Variants in MED12L observed in about 807,000 individuals in gnomAD.
The protein encoded by MED12L is mediator of RNA polymerase II transcription subunit 12-like protein.
A neutral mutation model predicts 281.3 loss-of-function variants in MED12L; 60 were observed. That is an observed-to-expected ratio of 0.21 (90% CI 0.17 to 0.26). The LOEUF (loss-of-function observed/expected upper bound fraction) is 0.26, where lower values mean the gene tolerates loss of function less well. Among genes scored for constraint, MED12L ranks in the 10% least tolerant of loss-of-function variants. The probability of loss-of-function intolerance (pLI) is 1.00; values close to 1 mark genes in which losing one functional copy is unlikely to be tolerated. For synonymous variants in MED12L, 974 were observed against 987.2 expected (o/e 0.99, Z 0.25); for missense variants, 2,146 against 2,680.9 (o/e 0.80, Z 4.41).
intron 39 of MED12L, among the ~76,000 whole-genome samples, chr3:151,407,777 C>G (rs191065922): frequency 9.9e-5 from 15 of 152,254 alleles, no homozygotes; most frequent in African/African-American, 3.1e-4. Flanking sequence ...TAAATACCCT[C>G]AGAGGTACAC....
chr3:151,185,557 T>C (rs1723158438), intron 12 of MED12L, 96 bp downstream of exon 12: 3 of 1,350,160 alleles, frequency 2.2e-6, no homozygotes, highest in Non-Finnish European at 3.0e-6. Flanking sequence ...TGTTATTCTT[T>C]TGCTCTTGAG....
intron 16 of MED12L, chr3:151,198,896 C>T: frequency 6.2e-7 from 1 of 1,614,056 alleles, no homozygotes; most frequent in East Asian, 2.2e-5. Context: ...CTCCATACAA[C>T]CCACATTTGA....
intron 31 of MED12L, 91 bp downstream of exon 31, chr3:151,378,264 C>A: frequency 7.9e-7 from 1 of 1,266,934 alleles, no homozygotes; most frequent in Non-Finnish European, 1.0e-6. Flanking sequence ...ACTGTACCCA[C>A]AGTCCACTGA....
chr3:151,394,560 T>A, intron 38 of MED12L, 96 bp from the exon 39 acceptor site: 1 of 1,554,256 alleles, frequency 6.4e-7, no homozygotes, highest in Admixed American at 2.0e-5. Flanking sequence ...GTTCATAAAG[T>A]GAGACTTAGA....
intron 44 of MED12L, among the ~76,000 whole-genome samples, chr3:151,430,587 T>C (rs1324125430): frequency 6.6e-6 from 1 of 150,918 alleles, no homozygotes; most frequent in African/African-American, 2.4e-5. Flanking sequence ...CCAATTTTTC[T>C]CAAATTCAGT....
chr3:151,176,486 T>G (rs1722065270), intron 11 of MED12L, among the ~76,000 whole-genome samples: 1 of 152,218 alleles, frequency 6.6e-6, no homozygotes, highest in African/African-American at 2.4e-5. Flanking sequence ...TAAATGAAAT[T>G]GCTCTATGCA....
chr3:151,364,959 T>C lies in MED12L; in HGVS notation c.2958-20T>C. Reference sequence around the variant, plus strand: ...TCTAGTTTTATTTTTCTGTTTTAACTTTTTTTCTTATAACCTCAGTAGTGC... The same window carrying C: ...TCTAGTTTTATTTTTCTGTTTTAACCTTTTTTCTTATAACCTCAGTAGTGC... On this transcript the variant is annotated intron_variant, in intron 21 of 44. Coordinates refer to ENST00000687756, the MANE Select transcript of MED12L (RefSeq NM_001393769.1). 2 of 1,563,946 alleles carry C rather than the reference T, an allele frequency of 1.3e-6. No individual in the cohort carries two copies. The highest frequency in any genetic ancestry group is 1.8e-6 in the Non-Finnish European group (2 of 1,135,850).
intron 16 of MED12L, among the ~76,000 whole-genome samples, chr3:151,195,341 C>T (rs1234108230): frequency 6.6e-6 from 1 of 151,840 alleles, no homozygotes; most frequent in Admixed American, 6.6e-5. Context: ...TTTCTTATTA[C>T]AGTTAAAAGT....
intron 16 of MED12L, among the ~76,000 whole-genome samples, chr3:151,194,090 C>T (rs568248142): frequency 2.0e-5 from 3 of 151,572 alleles, no homozygotes; most frequent in African/African-American, 7.3e-5. Flanking sequence ...CTCAGCCTCC[C>T]GAGTAGCTGG....
chr3:151,391,995 GAGATGTAGAAGTTTGTTTGT>G (rs557906029), intron 38 of MED12L, among the ~76,000 whole-genome samples: 1,745 of 152,186 alleles, frequency 0.011, 18 homozygotes, highest in South Asian at 0.023. Flanking sequence ...TTAAACTTTG[GAGATGTAGAAGTTTGTTTGT>G]AGATGTAGAA....
At chr3:151,325,872 A>G (rs764988632) in intron 16 of MED12L, among the ~76,000 whole-genome samples, 1 of 152,204 alleles carries the variant, frequency 6.6e-6, no homozygotes, top group Non-Finnish European at 1.5e-5. Flanking sequence ...AGTTATTTAC[A>G]TGATTATAGT....
intron 5 of MED12L, among the ~76,000 whole-genome samples, chr3:151,153,595 C>G (rs9813224): frequency 0.29 from 35,419 of 120,864 alleles, 6,027 homozygotes; most frequent in African/African-American, 0.5. Context: ...TTGAGACAGA[C>G]TCTTGCTCTG....
intron 16 of MED12L, chr3:151,338,388 A>G: frequency 1.2e-6 from 2 of 1,614,166 alleles, no homozygotes. Context: ...AGAGAGTAAG[A>G]ACATGAATGC....
chr3:151,141,061 G>A (rs1004311473), intron 5 of MED12L, among the ~76,000 whole-genome samples: 1 of 151,928 alleles, frequency 6.6e-6, no homozygotes, highest in Non-Finnish European at 1.5e-5. Flanking sequence ...TAGAGATGGG[G>A]TTTCACCATG....
chr3:151,346,636 C>T (rs1752579361), intron 16 of MED12L, among the ~76,000 whole-genome samples: 1 of 152,094 alleles, frequency 6.6e-6, no homozygotes, highest in Admixed American at 6.5e-5. Context: ...TTGTGTGACC[C>T]TGAATTATAG....
intron 16 of MED12L, among the ~76,000 whole-genome samples, chr3:151,346,229 A>G (rs1444372027): frequency 1.3e-5 from 2 of 152,088 alleles, no homozygotes; most frequent in African/African-American, 4.8e-5. Context: ...TTCTTTCCAT[A>G]TTAATCCAGC....
At chr3:151,198,862 A>G (rs376263817) in intron 16 of MED12L, 38 of 1,614,006 alleles carry the variant, frequency 2.4e-5, no homozygotes, top group Middle Eastern at 1.6e-4. Flanking sequence ...GCAAATGCCA[A>G]TTTCTTCCAA....
At chr3:151,317,435 A>ATTT (rs1748411128) in intron 16 of MED12L, among the ~76,000 whole-genome samples, 1 of 54,552 alleles carries the variant, frequency 1.8e-5, no homozygotes, top group African/African-American at 6.4e-5. Context: ...TAATCATATC[A>ATTT]CTTTTTTTTT....
intron 16 of MED12L, among the ~76,000 whole-genome samples, chr3:151,231,349 A>G (rs1046303865): frequency 6.6e-6 from 1 of 152,216 alleles, no homozygotes; most frequent in Admixed American, 6.5e-5. Flanking sequence ...GTCTGAAAAC[A>G]TACTCCCCCA....
Sources: allele counts gnomAD v4.1 joint callset (sites outside exome capture counted in the v4.1 genomes callset), GRCh38; gene constraint gnomAD v4.1.1; transcripts MANE v1.5; gene names NCBI Gene and HGNC (gene_info 2026-07-23, HGNC 2026-07-21).